Variants in QTGAL observed in about 807,000 individuals in gnomAD.
QTGAL encodes the protein BGnT-like protein 1.
the QTGAL span, among the ~76,000 whole-genome samples, chr17:83,033,881 G>C: frequency 6.6e-6 from 1 of 152,150 alleles, no homozygotes; most frequent in Non-Finnish European, 1.5e-5. Context: ...TTAGTTGTTT[G>C]TACATCCACT....
the QTGAL span, among the ~76,000 whole-genome samples, chr17:83,039,691 C>T: frequency 6.6e-6 from 1 of 152,200 alleles, no homozygotes; most frequent in African/African-American, 2.4e-5. Context: ...CACAGCACTC[C>T]AAGATGGGTG....
At chr17:83,045,485 C>T in the QTGAL span, among the ~76,000 whole-genome samples, 1 of 152,174 alleles carries the variant, frequency 6.6e-6, no homozygotes, top group Non-Finnish European at 1.5e-5. Context: ...CTGAAGAAAA[C>T]ATACAGATAA....
At chr17:82,986,108 C>T in the QTGAL span, among the ~76,000 whole-genome samples, 1 of 152,360 alleles carries the variant, frequency 6.6e-6, no homozygotes, top group Non-Finnish European at 1.5e-5. Flanking sequence ...ACCCTTTCAA[C>T]GTGGGGGACC....
At chr17:82,963,092 G>T in the QTGAL span, among the ~76,000 whole-genome samples, 4 of 152,334 alleles carry the variant, frequency 2.6e-5, no homozygotes, top group East Asian at 7.7e-4. Context: ...GAAGCCGAGT[G>T]GAGGAAGTGT....
At chr17:82,942,457 C>T in the QTGAL span, 2 of 1,613,982 alleles carry the variant, frequency 1.2e-6, no homozygotes, top group Non-Finnish European at 1.7e-6. Context: ...AGCCTGGTGC[C>T]TGCTGAAGCC....
the QTGAL span, chr17:83,005,454 T>C: frequency 1.6e-6 from 1 of 633,194 alleles, no homozygotes; most frequent in East Asian, 2.8e-5. The surrounding 1 kb of genome is among the most constrained non-coding windows in gnomAD (Gnocchi z 5.6). Context: ...GACGCGCATC[T>C]CGGCGGTGAA....
the QTGAL span, among the ~76,000 whole-genome samples, chr17:83,016,586 G>A: frequency 6.7e-5 from 10 of 148,632 alleles, no homozygotes; most frequent in Non-Finnish European, 1.5e-4. Context: ...GAGTGGAGGA[G>A]GGAGAAGGGG....
At chr17:82,971,271 AT>A in the QTGAL span, among the ~76,000 whole-genome samples, 1 of 152,206 alleles carries the variant, frequency 6.6e-6, no homozygotes, top group African/African-American at 2.4e-5. Context: ...AGTGACAACG[AT>A]CCAGAAACAA....
the QTGAL span, among the ~76,000 whole-genome samples, chr17:82,964,027 T>TGGG: frequency 0.31 from 44,156 of 143,844 alleles, 7,218 homozygotes; most frequent in African/African-American, 0.37. Context: ...AAGGCTGAGG[T>TGGG]CGGGGGGGTG....
At chr17:83,008,109 C>T in the QTGAL span, among the ~76,000 whole-genome samples, 2 of 139,738 alleles carry the variant, frequency 1.4e-5, no homozygotes, top group African/African-American at 5.3e-5. Flanking sequence ...GCGCTATGCG[C>T]TTAATCCTGC....
At chr17:82,993,349 T>C in the QTGAL span, among the ~76,000 whole-genome samples, 1 of 151,796 alleles carries the variant, frequency 6.6e-6, no homozygotes, top group African/African-American at 2.4e-5. Flanking sequence ...TCAGATGAAA[T>C]AGATTTAAAG....
the QTGAL span, among the ~76,000 whole-genome samples, chr17:82,967,387 A>G: frequency 6.6e-6 from 1 of 152,160 alleles, no homozygotes; most frequent in Admixed American, 6.5e-5. Context: ...GCCTCGTCTC[A>G]CTGTGGATCC....
At chr17:83,029,221 G>A in the QTGAL span, among the ~76,000 whole-genome samples, 1 of 152,222 alleles carries the variant, frequency 6.6e-6, no homozygotes, top group Admixed American at 6.5e-5. Context: ...TTCACTGCAT[G>A]TAAATTCTAC....
At chr17:83,014,152 A>G in the QTGAL span, among the ~76,000 whole-genome samples, 1 of 152,236 alleles carries the variant, frequency 6.6e-6, no homozygotes, top group Admixed American at 6.5e-5. Context: ...TGAACACGGT[A>G]TAGCTCTCAG....
the QTGAL span, among the ~76,000 whole-genome samples, chr17:82,972,783 C>A: frequency 2.3e-3 from 316 of 136,890 alleles, 4 homozygotes; most frequent in African/African-American, 9.0e-3. Flanking sequence ...ACCACAGGGG[C>A]TAGAAGGACC....
chr17:83,029,353 A>C, the QTGAL span, among the ~76,000 whole-genome samples: 1 of 152,222 alleles, frequency 6.6e-6, no homozygotes, highest in Admixed American at 6.5e-5. Context: ...AGTTAAAAAG[A>C]ACTGAAGTTA....
the QTGAL span, among the ~76,000 whole-genome samples, chr17:83,042,413 A>G: frequency 0.15 from 22,809 of 152,172 alleles, 1,783 homozygotes; most frequent in African/African-American, 0.21. Flanking sequence ...CTAAATCTAC[A>G]TTCATGAAAA....
the QTGAL span, among the ~76,000 whole-genome samples, chr17:82,963,826 T>G: frequency 1.1e-4 from 17 of 152,058 alleles, no homozygotes; most frequent in Non-Finnish European, 2.5e-4. Flanking sequence ...GACTGGTGAT[T>G]GTACAGCCCT....
At chr17:82,964,506 G>A in the QTGAL span, among the ~76,000 whole-genome samples, 5 of 148,734 alleles carry the variant, frequency 3.4e-5, no homozygotes, top group Admixed American at 2.0e-4. Context: ...CTACAGGTGC[G>A]TCCCACGGGG....
Sources: gnomAD v4.1 joint callset for allele counts (sites outside exome capture counted in the v4.1 genomes callset) on GRCh38, gnomAD v4.1.1 for gene constraint, Gnocchi (gnomAD v3.1) non-coding constraint, MANE v1.5 for transcripts, NCBI Gene and HGNC (gene_info 2026-07-23, HGNC 2026-07-21) for gene names.